DTD1: variants seen among roughly 807,000 people sequenced by gnomAD.
The protein encoded by DTD1 is D-aminoacyl-tRNA deacylase 1.
A neutral mutation model predicts 25.6 loss-of-function variants in DTD1; 13 were observed. The ratio of observed to expected loss-of-function variants is 0.51; its 90% CI spans 0.33 to 0.81. The LOEUF is 0.81. Ranked by LOEUF, DTD1 falls within the 30% of genes least tolerant of loss-of-function variation. The pLI, the probability that DTD1 is intolerant of heterozygous loss-of-function variation, is 0.02. For synonymous variants in DTD1, 110 were observed against 103.6 expected (o/e 1.06, Z -0.37); for missense variants, 193 against 266.4 (o/e 0.72, Z 1.92).
At chr20:18,695,058 T>A (rs1392580149) in intron 4 of DTD1, among the ~76,000 whole-genome samples, 1 of 152,130 alleles carries the variant, frequency 6.6e-6, no homozygotes, top group Non-Finnish European at 1.5e-5. Context: ...ACTCAGCGCG[T>A]GTTCTGCGAA....
At chr20:18,639,896 C>G (rs2060821941) in intron 4 of DTD1, among the ~76,000 whole-genome samples, 1 of 152,040 alleles carries the variant, frequency 6.6e-6, no homozygotes, top group African/African-American at 2.4e-5. Flanking sequence ...TGGCTCTGTT[C>G]AGGAATTGCA....
intron 4 of DTD1, among the ~76,000 whole-genome samples, chr20:18,743,688 AAAAAAG>A (rs2061287779): frequency 6.7e-6 from 1 of 149,010 alleles, no homozygotes; most frequent in Admixed American, 6.8e-5. Context: ...AAAAAAAAAA[AAAAAAG>A]AAAAGAAAAG....
chr20:18,707,058 A>G (rs1048778343), intron 4 of DTD1, among the ~76,000 whole-genome samples: 2 of 152,186 alleles, frequency 1.3e-5, no homozygotes, highest in African/African-American at 4.8e-5. Flanking sequence ...GGGTGGCCCC[A>G]AATGTCTCTC....
intron 4 of DTD1, among the ~76,000 whole-genome samples, chr20:18,733,382 C>A (rs1568684523): frequency 6.6e-6 from 1 of 152,154 alleles, no homozygotes. Flanking sequence ...GTCAGTTGTC[C>A]ATGGAGGCTG....
In DTD1 at chr20:18,749,123, G is replaced by A. The variant is rs2061311988; in HGVS notation, c.*19+4852G>A. ...GGGACAGATGGAGGGGAAGCTGAAG[G>A]CCCCTGGCATGTTCTGGCTGTGCTC... On this transcript the variant is annotated intron_variant, in intron 5 of 5. Transcript: ENST00000377452. This position sits in a 1 kb window ranked among gnomAD's most constrained non-coding sequence, Gnocchi z 4.2. Among the ~76,000 whole-genome samples the A allele has an allele frequency of 6.6e-6, 1 of 152,200 alleles. No individual in the cohort carries two copies. Among genetic ancestry groups the A allele is most frequent in the Non-Finnish European group, 1.5e-5 (1 of 68,042 alleles).
intron 4 of DTD1, among the ~76,000 whole-genome samples, chr20:18,736,290 C>T (rs2061254822): frequency 6.6e-6 from 1 of 152,164 alleles, no homozygotes; most frequent in Non-Finnish European, 1.5e-5. Context: ...GGCAGCTCAC[C>T]TTGTCTGATT....
chr20:18,686,017 T>G (rs1397583032), intron 4 of DTD1, among the ~76,000 whole-genome samples: 3 of 152,230 alleles, frequency 2.0e-5, no homozygotes, highest in East Asian at 3.8e-4. Context: ...TCCTTCTTAC[T>G]TCCCTTCCCA....
intron 4 of DTD1, among the ~76,000 whole-genome samples, chr20:18,742,522 C>T (rs930272537): frequency 2.6e-5 from 4 of 152,080 alleles, no homozygotes; most frequent in African/African-American, 4.8e-5. Context: ...CTCATAGGAG[C>T]GGGAACCCCA....
At chr20:18,646,592 G>A (rs1215287065) in intron 4 of DTD1, among the ~76,000 whole-genome samples, 1 of 152,202 alleles carries the variant, frequency 6.6e-6, no homozygotes, top group African/African-American at 2.4e-5. Context: ...TCACATCACA[G>A]AGCCTCTCAG....
intron 4 of DTD1, among the ~76,000 whole-genome samples, chr20:18,635,706 T>G (rs1334222563): frequency 6.6e-6 from 1 of 152,174 alleles, no homozygotes; most frequent in Non-Finnish European, 1.5e-5. Flanking sequence ...AGGGATCACT[T>G]TTATCACTTT....
intron 4 of DTD1, among the ~76,000 whole-genome samples, chr20:18,647,652 T>G (rs1568657620): frequency 6.6e-6 from 1 of 151,244 alleles, no homozygotes; most frequent in Non-Finnish European, 1.5e-5. Flanking sequence ...GTGGGGAGGA[T>G]GATGAGGATG....
At chr20:18,637,337 C>A (rs80191264) in intron 4 of DTD1, among the ~76,000 whole-genome samples, 2 of 152,150 alleles carry the variant, frequency 1.3e-5, no homozygotes, top group African/African-American at 4.8e-5. Context: ...GCCTTCTCAA[C>A]GCAATTACAG....
chr20:18,741,561 G>T (rs1336313387), intron 4 of DTD1, among the ~76,000 whole-genome samples: 1 of 152,076 alleles, frequency 6.6e-6, no homozygotes, highest in African/African-American at 2.4e-5. Context: ...GTTAACTAGT[G>T]TATTGAAGTT....
chr20:18,669,954 A>G (rs1393312271), intron 4 of DTD1, among the ~76,000 whole-genome samples: 2 of 152,122 alleles, frequency 1.3e-5, no homozygotes, highest in African/African-American at 4.8e-5. Context: ...GCTTCCCTGT[A>G]GGGATTGTCT....
rs1255159639 is a variant in DTD1 at position 18,766,258 on chromosome 20, C to A, written c.*2918C>A. ...TTGATATGGTAACATTTGAGTAACT[C>A]CAAAGCCAGAGAGGCAATCTTTTCT... On this transcript the variant is annotated 3_prime_UTR_variant, in exon 6 of 6. Transcript: ENST00000377452. 6.6e-6 allele frequency: 1 copy of A among 152,178 alleles called. No individual in the cohort carries two copies. 9.4% of individuals were successfully genotyped at this position (152,178 alleles called of 1,614,324 possible). A position where few individuals can be genotyped will look rare whatever the true frequency, so the allele number is the denominator to read the frequency against.
At chr20:18,706,845 A>G (rs1004443241) in intron 4 of DTD1, among the ~76,000 whole-genome samples, 8 of 152,234 alleles carry the variant, frequency 5.3e-5, no homozygotes, top group Admixed American at 3.9e-4. Context: ...AAGTGCTGCC[A>G]TTGTAATTGA....
At chr20:18,732,973 T>C (rs531217366) in intron 4 of DTD1, among the ~76,000 whole-genome samples, 1 of 152,242 alleles carries the variant, frequency 6.6e-6, no homozygotes, top group African/African-American at 2.4e-5. Context: ...CATGTTAACA[T>C]GTGGTTTTTT....
chr20:18,682,024 G>A (rs1168257563), intron 4 of DTD1, among the ~76,000 whole-genome samples: 1 of 152,214 alleles, frequency 6.6e-6, no homozygotes, highest in Non-Finnish European at 1.5e-5. Context: ...TGGGAGTGCT[G>A]TTCTATGGTA....
At chr20:18,756,878 A>G (rs6112091) in intron 5 of DTD1, among the ~76,000 whole-genome samples, 37,379 of 150,588 alleles carry the variant, frequency 0.25, 4,981 homozygotes, top group East Asian at 0.35. Context: ...CCATTTTCAC[A>G]ATATTGATTC....
Sources: gnomAD v4.1 joint callset for allele counts (sites outside exome capture counted in the v4.1 genomes callset) on GRCh38, gnomAD v4.1.1 for gene constraint, Gnocchi (gnomAD v3.1) non-coding constraint, MANE v1.5 for transcripts, NCBI Gene and HGNC (gene_info 2026-07-23, HGNC 2026-07-21) for gene names.